The following SLC3A1 variants were observed in gnomAD, a reference collection of about 807,000 sequenced individuals.
SLC3A1 encodes the protein solute carrier family 3 member 1.
SLC3A1 carries 78 observed loss-of-function variants against 60.3 expected under a neutral mutation model. That is an observed-to-expected ratio of 1.29 (90% CI 1.08 to 1.56). The LOEUF (loss-of-function observed/expected upper bound fraction) is 1.56, where lower values mean the gene tolerates loss of function less well. SLC3A1 is among the 40% of genes most tolerant of loss of function. SLC3A1 has a pLI of 0.00. For synonymous variants in SLC3A1, 392 were observed against 307.9 expected (o/e 1.27, Z -2.86); for missense variants, 1,172 against 858.9 (o/e 1.36, Z -4.56).
chr2:44,289,550 T>G (rs1272911410), intron 4 of SLC3A1, among the ~76,000 whole-genome samples: 1 of 152,000 alleles, frequency 6.6e-6, no homozygotes, highest in Admixed American at 6.6e-5. Context: ...AAATAATTTT[T>G]CCTATTCTGT....
At chr2:44,300,682 T>C (rs890084273) in intron 5 of SLC3A1, among the ~76,000 whole-genome samples, 3 of 152,194 alleles carry the variant, frequency 2.0e-5, no homozygotes, top group African/African-American at 7.2e-5. Context: ...CTATAACCAC[T>C]AAGATCTTTT....
intron 9 of SLC3A1, chr2:44,319,327 G>A (rs1159212494): frequency 6.6e-6 from 1 of 152,502 alleles, no homozygotes; most frequent in East Asian, 1.9e-4. Flanking sequence ...TGTATCAAGT[G>A]CCCATACTCT....
At chr2:44,277,151 A>G (rs1336539006) in intron 1 of SLC3A1, among the ~76,000 whole-genome samples, 5 of 122,932 alleles carry the variant, frequency 4.1e-5, no homozygotes, top group Non-Finnish European at 7.9e-5. Flanking sequence ...CTTGTTGCCC[A>G]GGCTGGAGTG....
chr2:44,294,910 G>T (rs1485889663), intron 4 of SLC3A1, among the ~76,000 whole-genome samples: 2 of 151,880 alleles, frequency 1.3e-5, no homozygotes, highest in African/African-American at 4.8e-5. Context: ...TTTTTGGTTT[G>T]TTTTTGTTTT....
chr2:44,282,997 C>A (rs898656487), intron 3 of SLC3A1, among the ~76,000 whole-genome samples: 1 of 152,076 alleles, frequency 6.6e-6, no homozygotes, highest in Non-Finnish European at 1.5e-5. Context: ...GCGTGTTGAT[C>A]TGAATTCAGA....
intron 7 of SLC3A1, among the ~76,000 whole-genome samples, chr2:44,308,210 A>G (rs1157612024): frequency 6.6e-6 from 1 of 152,206 alleles, no homozygotes; most frequent in African/African-American, 2.4e-5. Context: ...GTTCATCTAT[A>G]TGTCTGTCTC....
chr2:44,320,393 G>T lies in SLC3A1; in HGVS notation c.1812G>T (p.Leu604=). 6.2e-7 allele frequency: 1 copy of T among 1,614,044 alleles called. No individual in the cohort carries two copies. Among genetic ancestry groups the T allele is most frequent in the Non-Finnish European group, 8.5e-7 (1 of 1,179,918 alleles). The change falls in exon 10 of 10, where the codon CTG becomes CTT. Residue 604 remains leucine (L), a synonymous_variant. Coordinates refer to ENST00000260649, the MANE Select transcript of SLC3A1 (RefSeq NM_000341.4). ...TTCTGAATTTTGGAGAATCAACACT[G>T]TTAAATCTACATAATATGATTTCGG... ...IVVLNFGEST[L]LNLHNMISGL...
chr2:44,314,148 C>CAAGTG, intron 9 of SLC3A1, 197 bp downstream of exon 9: 1 of 1,313,104 alleles, frequency 7.6e-7, no homozygotes, highest in Admixed American at 2.1e-5. Flanking sequence ...ACAAATCTAC[C>CAAGTG]AAGTGAAGTG....
chr2:44,292,077 C>G (rs2104350950), intron 4 of SLC3A1, among the ~76,000 whole-genome samples: 1 of 152,254 alleles, frequency 6.6e-6, no homozygotes, highest in Non-Finnish European at 1.5e-5. Context: ...AATGAGGAAA[C>G]TGAGACACAG....
At chr2:44,316,277 G>A (rs1480525365) in intron 9 of SLC3A1, 1 of 152,080 alleles carries the variant, frequency 6.6e-6, no homozygotes, top group Non-Finnish European at 1.5e-5. Flanking sequence ...TTAAATATAA[G>A]TATAAATACC....
At position 44,321,011 on chromosome 2, in the gene SLC3A1, C is replaced by A; in HGVS notation, c.*372C>A. 1 of 382,334 alleles carries A rather than the reference C, an allele frequency of 2.6e-6. No homozygotes were observed. The highest frequency in any genetic ancestry group is 4.8e-6 in the Non-Finnish European group (1 of 208,184). The allele number at this position is 382,334 out of a possible 1,614,324, so 23.7% of individuals were successfully genotyped here. A position where few individuals can be genotyped will look rare whatever the true frequency, so the allele number is the denominator to read the frequency against. ...CTGCCACAGTGTCTAAAAGCATTTGCTAGCAAAGAGGCAGGACACTAATTT... is the reference window on the plus strand; with the variant it reads ...CTGCCACAGTGTCTAAAAGCATTTGATAGCAAAGAGGCAGGACACTAATTT... On this transcript the variant is annotated 3_prime_UTR_variant, in exon 10 of 10. Coordinates refer to ENST00000260649, the MANE Select transcript of SLC3A1 (RefSeq NM_000341.4).
At chr2:44,302,126 C>A (rs896235553) in intron 6 of SLC3A1, among the ~76,000 whole-genome samples, 1 of 152,082 alleles carries the variant, frequency 6.6e-6, no homozygotes, top group Admixed American at 6.6e-5. Context: ...TCTATAGTTT[C>A]CTAGTACAGT....
At chr2:44,292,978 G>T (rs890723073) in intron 4 of SLC3A1, among the ~76,000 whole-genome samples, 2 of 152,030 alleles carry the variant, frequency 1.3e-5, no homozygotes, top group Non-Finnish European at 2.9e-5. Flanking sequence ...CAGGGAGGAG[G>T]ATGGTGCAGT....
At chr2:44,287,280 A>C (rs1448911710) in intron 4 of SLC3A1, among the ~76,000 whole-genome samples, 1 of 152,008 alleles carries the variant, frequency 6.6e-6, no homozygotes, top group Admixed American at 6.6e-5. Context: ...TGTGTAGGAG[A>C]CACCTTCTTA....
chr2:44,276,509 C>T (rs1168243193), intron 1 of SLC3A1, among the ~76,000 whole-genome samples: 1 of 152,076 alleles, frequency 6.6e-6, no homozygotes, highest in Non-Finnish European at 1.5e-5. Context: ...TAGCAGTATG[C>T]ATTCGTCATT....
chr2:44,303,551 AT>A (rs997665920), intron 6 of SLC3A1, among the ~76,000 whole-genome samples: 47 of 53,204 alleles, frequency 8.8e-4, no homozygotes, highest in African/African-American at 2.1e-3. Flanking sequence ...AATGTGTTTC[AT>A]TTTTTTTGGG....
chr2:44,312,563 T>A (rs1331711497), intron 7 of SLC3A1, 23 bp from the exon 8 acceptor site: 1 of 1,612,918 alleles, frequency 6.2e-7, no homozygotes, highest in African/African-American at 1.3e-5. Flanking sequence ...ACAGCTGTGT[T>A]CTTAAAAATA....
intron 7 of SLC3A1, among the ~76,000 whole-genome samples, chr2:44,311,184 A>G (rs1225723166): frequency 6.6e-6 from 1 of 152,130 alleles, no homozygotes; most frequent in African/African-American, 2.4e-5. Context: ...CAAATTTGTC[A>G]AGTCCCTCTA....
chr2:44,321,542 G>C, downstream of SLC3A1: 1 of 1,523,006 alleles, frequency 6.6e-7, no homozygotes, highest in South Asian at 1.2e-5. Flanking sequence ...ACCTAACCGT[G>C]AAGTCAGCAA....
Sources: allele counts gnomAD v4.1 joint callset (sites outside exome capture counted in the v4.1 genomes callset), GRCh38; gene constraint gnomAD v4.1.1; transcripts MANE v1.5; gene names NCBI Gene and HGNC (gene_info 2026-07-23, HGNC 2026-07-21).